The following ATRNL1 variants were observed in gnomAD, a reference collection of about 807,000 sequenced individuals.
ATRNL1 encodes the protein attractin like 1.
A neutral mutation model predicts 182.7 loss-of-function variants in ATRNL1; 95 were observed. That is an observed-to-expected ratio of 0.52 (90% CI 0.44 to 0.62). ATRNL1 has a LOEUF of 0.62. Ranked by LOEUF, ATRNL1 falls within the 20% of genes least tolerant of loss-of-function variation. The pLI is 0.00. For synonymous variants in ATRNL1, 576 were observed against 568.3 expected, an observed-to-expected ratio of 1.01 and a Z score of -0.19; for missense variants, 1,471 against 1,679.5, an observed-to-expected ratio of 0.88 and a Z score of 2.17.
chr10:115,671,293 C>A (rs1555041317), intron 26 of ATRNL1, among the ~76,000 whole-genome samples: 1 of 152,010 alleles, frequency 6.6e-6, no homozygotes, highest in African/African-American at 2.4e-5. Flanking sequence ...AGTTGTATCT[C>A]CTTTTCATCC....
chr10:115,454,613 C>T (rs1308201531), intron 21 of ATRNL1, among the ~76,000 whole-genome samples: 1 of 151,922 alleles, frequency 6.6e-6, no homozygotes, highest in Non-Finnish European at 1.5e-5. Flanking sequence ...AGTCTTTATT[C>T]TCTTTGGTTA....
chr10:115,362,518 TG>T (rs782687784), intron 19 of ATRNL1, among the ~76,000 whole-genome samples: 26 of 138,318 alleles, frequency 1.9e-4, no homozygotes, highest in East Asian at 5.8e-4. Flanking sequence ...TGCAGTACAT[TG>T]TTTTTTTTTT....
At chr10:115,738,126 ATTTTTTTTTTTT>A (rs10546896) in intron 27 of ATRNL1, among the ~76,000 whole-genome samples, 6 of 47,092 alleles carry the variant, frequency 1.3e-4, no homozygotes, top group African/African-American at 3.3e-4. Context: ...GAAGATAATG[ATTTTTTTTTTTT>A]TTTTTTTTTT....
chr10:115,821,538 G>C (rs1174482869), intron 27 of ATRNL1, among the ~76,000 whole-genome samples: 4 of 152,088 alleles, frequency 2.6e-5, no homozygotes, highest in African/African-American at 4.8e-5. Flanking sequence ...GTATTCAGGA[G>C]ACCCATCTCA....
intron 27 of ATRNL1, among the ~76,000 whole-genome samples, chr10:115,731,028 C>T (rs1195440711): frequency 3.9e-5 from 6 of 152,058 alleles, no homozygotes; most frequent in African/African-American, 9.7e-5. Flanking sequence ...ATTCTAGTCT[C>T]GCTGGCAGAT....
chr10:115,111,613 C>T (rs781900398), intron 1 of ATRNL1, among the ~76,000 whole-genome samples: 3 of 152,118 alleles, frequency 2.0e-5, no homozygotes, highest in Non-Finnish European at 2.9e-5. Flanking sequence ...AGAACTCACT[C>T]TTTACTGTGA....
At chr10:115,453,691 G>A (rs773378046) in intron 21 of ATRNL1, among the ~76,000 whole-genome samples, 30 of 150,956 alleles carry the variant, frequency 2.0e-4, no homozygotes, top group Non-Finnish European at 3.8e-4. Context: ...GTAAACTATC[G>A]CGAGGACAAA....
intron 26 of ATRNL1, among the ~76,000 whole-genome samples, chr10:115,696,248 C>A (rs143636477): frequency 0.015 from 2,348 of 152,240 alleles, 60 homozygotes; most frequent in East Asian, 0.14. Context: ...TAGGTTGATT[C>A]CATGTCTTTG....
intron 27 of ATRNL1, among the ~76,000 whole-genome samples, chr10:115,831,886 A>G (rs1342075118): frequency 3.3e-5 from 5 of 152,168 alleles, no homozygotes; most frequent in African/African-American, 1.2e-4. Context: ...GCTACCTGCT[A>G]TTAACTAAAG....
intron 26 of ATRNL1, among the ~76,000 whole-genome samples, chr10:115,642,444 T>TA (rs1422850107): frequency 8.0e-5 from 12 of 150,830 alleles, no homozygotes; most frequent in African/African-American, 2.7e-4. Context: ...CTAGTGCTTT[T>TA]TTTTTTCTTT....
At position 115,426,248 on chromosome 10, in the gene ATRNL1, A is replaced by C; in HGVS notation, c.3270-2A>C. 1 of 1,612,244 alleles carries C rather than the reference A, an allele frequency of 6.2e-7. No individual in the cohort carries two copies. The highest frequency in any genetic ancestry group is 1.7e-4 in the Middle Eastern group (1 of 6,048). On this transcript the variant is annotated splice_acceptor_variant, in intron 20 of 28. Transcript: ENST00000355044. LOFTEE classifies it high-confidence loss of function. Reference sequence around the variant, plus strand: ...AGTAAATGAGTTTTTGTGTTTCTGCAGATGTGACTCTGAAAATCGCTATGT... The same window carrying C: ...AGTAAATGAGTTTTTGTGTTTCTGCCGATGTGACTCTGAAAATCGCTATGT...
rs201248487 is a variant in ATRNL1, at chr10:115,127,551, T to C, written c.492-42T>C. On this transcript the variant is annotated intron_variant, in intron 3 of 28. Transcript: ENST00000355044. ...AAATTTTATGTGCTTAACAGTCTTA[T>C]GTATATCTATACATACAATATTCAG... 1.2e-5 allele frequency: 19 copies of C among 1,533,156 alleles called. No individual in the cohort carries two copies. The East Asian group carries it at 3.0e-4, about 24-fold the overall frequency. The allele number at this position is 1,533,156 out of a possible 1,614,324, so 95.0% of individuals were successfully genotyped here.
intron 27 of ATRNL1, among the ~76,000 whole-genome samples, chr10:115,816,746 T>G (rs939820973): frequency 1.1e-4 from 16 of 152,044 alleles, no homozygotes; most frequent in African/African-American, 3.6e-4. Flanking sequence ...TTAAGGTGTT[T>G]CTTCACGTAA....
At chr10:115,703,973 A>G (rs1946819236) in intron 26 of ATRNL1, among the ~76,000 whole-genome samples, 1 of 151,950 alleles carries the variant, frequency 6.6e-6, no homozygotes, top group African/African-American at 2.4e-5. Flanking sequence ...TGGTGGGACA[A>G]CTGACTGTGG....
At chr10:115,332,274 C>A (rs1401717639) in intron 18 of ATRNL1, among the ~76,000 whole-genome samples, 1 of 152,172 alleles carries the variant, frequency 6.6e-6, no homozygotes, top group Non-Finnish European at 1.5e-5. Flanking sequence ...TACCATCCAA[C>A]CATACTTTTA....
chr10:115,093,658 G>C lies in ATRNL1; in HGVS notation c.-93G>C. On this transcript the variant is annotated 5_prime_UTR_variant, in exon 1 of 29. Coordinates refer to ENST00000355044, the MANE Select transcript of ATRNL1 (RefSeq NM_207303.4). The surrounding 1 kb of genome is among the most constrained non-coding windows in gnomAD (Gnocchi z 6.1). ...GCCGGTGAGGAGGAGGAGAAGCGGC[G>C]GCGGAGAGGTTTTCTGCGGCCGGAA... 7.5e-7 allele frequency: 1 copy of C among 1,341,268 alleles called. No individual in the cohort carries two copies. The allele number at this position is 1,341,268 out of a possible 1,614,324, so 83.1% of individuals were successfully genotyped here.
intron 9 of ATRNL1, among the ~76,000 whole-genome samples, chr10:115,227,824 A>C (rs781826930): frequency 6.6e-6 from 1 of 152,182 alleles, no homozygotes; most frequent in Non-Finnish European, 1.5e-5. Flanking sequence ...GGAACAGAAA[A>C]TAAAATAAAT....
intron 19 of ATRNL1, among the ~76,000 whole-genome samples, chr10:115,377,587 T>G (rs1554949891): frequency 6.6e-6 from 1 of 152,226 alleles, no homozygotes; most frequent in Non-Finnish European, 1.5e-5. Flanking sequence ...CTGGAGCTTT[T>G]GTGGTATCAT....
At chr10:115,462,272 G>A (rs1847841859) in intron 22 of ATRNL1, among the ~76,000 whole-genome samples, 3 of 151,940 alleles carry the variant, frequency 2.0e-5, no homozygotes, top group Admixed American at 2.0e-4. Context: ...TATATCTTGT[G>A]ACAAAATTTA....
Sources: allele counts gnomAD v4.1 joint callset (sites outside exome capture counted in the v4.1 genomes callset), GRCh38; gene constraint gnomAD v4.1.1; non-coding constraint Gnocchi (gnomAD v3.1); transcripts MANE v1.5; gene names NCBI Gene and HGNC (gene_info 2026-07-23, HGNC 2026-07-21).